TRAF3: variants seen among roughly 807,000 people sequenced by gnomAD.
TRAF3 encodes TNF receptor-associated factor 3.
Under a neutral mutation model 62.3 loss-of-function variants are expected in TRAF3, and 13 were observed. That is an observed-to-expected ratio of 0.21 (90% CI 0.14 to 0.33). The LOEUF is 0.33. TRAF3 is among the 10% of genes least tolerant of loss of function. The probability of loss-of-function intolerance (pLI) is 1.00; values close to 1 mark genes in which losing one functional copy is unlikely to be tolerated. For synonymous variants in TRAF3, 269 were observed against 283.4 expected (o/e 0.95, Z 0.51); for missense variants, 440 against 741.8 (o/e 0.59, Z 4.73).
At chr14:102,845,660 C>T (rs1595357271) in intron 2 of TRAF3, among the ~76,000 whole-genome samples, 2 of 151,782 alleles carry the variant, frequency 1.3e-5, no homozygotes, top group African/African-American at 4.8e-5. Context: ...GGACTACAGG[C>T]ACCTGCCACC....
At chr14:102,824,977 GCATT>G (rs1188776309) in intron 1 of TRAF3, among the ~76,000 whole-genome samples, 1 of 152,224 alleles carries the variant, frequency 6.6e-6, no homozygotes, top group Non-Finnish European at 1.5e-5. Context: ...GAAAGAGAAT[GCATT>G]CAGTCAGTTG....
intron 6 of TRAF3, among the ~76,000 whole-genome samples, chr14:102,877,927 A>C (rs1205243829): frequency 6.6e-6 from 1 of 152,244 alleles, no homozygotes; most frequent in Non-Finnish European, 1.5e-5. Flanking sequence ...ATTAATATAT[A>C]CTTCTTCCAC....
In TRAF3 at chr14:102,897,235, CATTA is replaced by C. The variant is rs143974255; in HGVS notation, c.820-20_820-17del. ...TTAATATGAAAACCACTTTTGGTTA[CATTA>C]ATTAAAGAATTTCTTTTTTAGGTTT... On this transcript the variant is annotated intron_variant, in intron 9 of 11. Transcript: ENST00000392745. 7.4e-4 allele frequency: 1,181 copies of C among 1,598,482 alleles called. 9 individuals are homozygous for C. The African/African-American group carries it at 0.014, about 20-fold the overall frequency.
chr14:102,845,980 CAAAAAAAAAAAA>C (rs35353834), intron 2 of TRAF3, among the ~76,000 whole-genome samples: 25 of 56,852 alleles, frequency 4.4e-4, no homozygotes, highest in Non-Finnish European at 5.9e-4. Flanking sequence ...GACCGTGTCT[CAAAAAAAAAAAA>C]AAAAAAAAAA....
At chr14:102,806,324 C>A (rs1417619812) in intron 1 of TRAF3, among the ~76,000 whole-genome samples, 1 of 152,074 alleles carries the variant, frequency 6.6e-6, no homozygotes, top group Non-Finnish European at 1.5e-5. Flanking sequence ...AATTCAGTCT[C>A]TTTAGTCATT....
At chr14:102,822,713 A>G (rs1330734046) in intron 1 of TRAF3, among the ~76,000 whole-genome samples, 1 of 152,230 alleles carries the variant, frequency 6.6e-6, no homozygotes, top group African/African-American at 2.4e-5. Flanking sequence ...CGGAAAACAG[A>G]AACACATGCT....
intron 1 of TRAF3, among the ~76,000 whole-genome samples, chr14:102,793,089 G>T (rs1465207247): frequency 6.6e-6 from 1 of 151,942 alleles, no homozygotes; most frequent in African/African-American, 2.4e-5. Context: ...GGATTTACAG[G>T]CATGAGCCAC....
At chr14:102,819,032 G>A (rs1899728959) in intron 1 of TRAF3, among the ~76,000 whole-genome samples, 1 of 151,288 alleles carries the variant, frequency 6.6e-6, no homozygotes, top group Non-Finnish European at 1.5e-5. Flanking sequence ...TCCAGCCTGG[G>A]TGACGGAGCA....
At chr14:102,855,048 G>C (rs1427842715) in intron 2 of TRAF3, among the ~76,000 whole-genome samples, 1 of 152,076 alleles carries the variant, frequency 6.6e-6, no homozygotes, top group Non-Finnish European at 1.5e-5. Flanking sequence ...CTGTCTTGTG[G>C]ATTTCCCTAT....
intron 1 of TRAF3, among the ~76,000 whole-genome samples, chr14:102,795,619 T>TGTGTGTGTGTGTGTGTGC (rs767401587): frequency 1.2e-4 from 18 of 151,964 alleles, no homozygotes; most frequent in Non-Finnish European, 1.8e-4. Flanking sequence ...TGTGTGTGTG[T>TGTGTGTGTGTGTGTGTGC]GCATAGTTTT....
intron 8 of TRAF3, among the ~76,000 whole-genome samples, chr14:102,890,034 C>T (rs897773331): frequency 5.3e-5 from 8 of 152,218 alleles, no homozygotes; most frequent in African/African-American, 1.9e-4. Context: ...ACAGCCATAA[C>T]GATCACACAC....
chr14:102,795,596 A>ATGTGTGTGTG (rs1189667975), intron 1 of TRAF3, among the ~76,000 whole-genome samples: 23,619 of 128,686 alleles, frequency 0.18, 2,116 homozygotes, highest in Non-Finnish European at 0.22. Flanking sequence ...TGATATGTAT[A>ATGTGTGTGTG]TATGTGTGTG....
At chr14:102,887,673 C>T (rs1889472859) in intron 7 of TRAF3, among the ~76,000 whole-genome samples, 1 of 151,952 alleles carries the variant, frequency 6.6e-6, no homozygotes, top group African/African-American at 2.4e-5. Flanking sequence ...CGGCTCAGTG[C>T]ATGCTCTGCC....
At chr14:102,876,699 G>A (rs766645814) in intron 6 of TRAF3, 174 bp downstream of exon 6, 177 of 828,524 alleles carry the variant, frequency 2.1e-4, no homozygotes, top group Non-Finnish European at 2.5e-4. Context: ...CAGGCCTTCC[G>A]CTCAATTCAT....
chr14:102,900,843 T>G (rs1051832028), intron 10 of TRAF3, among the ~76,000 whole-genome samples: 1 of 152,212 alleles, frequency 6.6e-6, no homozygotes, highest in Non-Finnish European at 1.5e-5. Context: ...TGATGTGGAG[T>G]GCAGTCTGTC....
At chr14:102,811,580 TTG>T (rs1279401964) in intron 1 of TRAF3, among the ~76,000 whole-genome samples, 2 of 149,514 alleles carry the variant, frequency 1.3e-5, no homozygotes, top group Non-Finnish European at 3.0e-5. Flanking sequence ...TTTTTGGTTT[TTG>T]TTTGTTTTTG....
chr14:102,854,242 G>A (rs1887227865), intron 2 of TRAF3, among the ~76,000 whole-genome samples: 1 of 152,030 alleles, frequency 6.6e-6, no homozygotes, highest in African/African-American at 2.4e-5. Flanking sequence ...TAGTGCTGCT[G>A]TGAACGTTTG....
At chr14:102,820,409 T>A (rs1899826672) in intron 1 of TRAF3, among the ~76,000 whole-genome samples, 1 of 151,726 alleles carries the variant, frequency 6.6e-6, no homozygotes, top group African/African-American at 2.4e-5. Flanking sequence ...TCTGCCCTCT[T>A]AGCTGGGCCT....
intron 1 of TRAF3, among the ~76,000 whole-genome samples, chr14:102,811,912 C>CTTTTT (rs1899193346): frequency 9.2e-5 from 3 of 32,696 alleles, no homozygotes; most frequent in East Asian, 2.7e-3. Context: ...CATGCCTGGC[C>CTTTTT]CTTTTTTTTT....
Sources: gnomAD v4.1 joint callset for allele counts (sites outside exome capture counted in the v4.1 genomes callset) on GRCh38, gnomAD v4.1.1 for gene constraint, MANE v1.5 for transcripts, NCBI Gene and HGNC (gene_info 2026-07-23, HGNC 2026-07-21) for gene names.